SERPINA12: variants seen among roughly 807,000 people sequenced by gnomAD.
SERPINA12 encodes serpin A12.
SERPINA12 carries 21 observed loss-of-function variants against 25.9 expected under a neutral mutation model. The observed-to-expected ratio is 0.81, with a 90% CI of 0.58 to 1.17. The LOEUF (loss-of-function observed/expected upper bound fraction) is 1.17. Ranked by LOEUF, SERPINA12 falls within the 50% of genes most tolerant of loss-of-function variation. The pLI is 0.00. For synonymous variants in SERPINA12, 220 were observed against 196.0 expected, an observed-to-expected ratio of 1.12 and a Z score of -1.02; for missense variants, 562 against 508.3, an observed-to-expected ratio of 1.11 and a Z score of -1.02.
chr14:94,492,766 CACCCAGGCTGGGAGTGG>C (rs1900232155), intron 3 of SERPINA12, among the ~76,000 whole-genome samples: 1 of 152,194 alleles, frequency 6.6e-6, no homozygotes, highest in Non-Finnish European at 1.5e-5. Context: ...GTGTGGGGGG[CACCCAGGCTGGGAGTGG>C]ACCCTCGACA....
intron 3 of SERPINA12, among the ~76,000 whole-genome samples, chr14:94,493,096 T>C (rs17090957): frequency 0.02 from 2,970 of 152,302 alleles, 103 homozygotes; most frequent in African/African-American, 0.067. Flanking sequence ...TGGAGAGGAC[T>C]GCAGAAAGAA....
intron 1 of SERPINA12, among the ~76,000 whole-genome samples, chr14:94,505,732 C>T (rs1481823642): frequency 6.6e-6 from 1 of 152,208 alleles, no homozygotes; most frequent in Non-Finnish European, 1.5e-5. Context: ...CCCAGACACT[C>T]TCTGCTCCAG....
chr14:94,491,140 C>T (rs1423848061), intron 3 of SERPINA12, among the ~76,000 whole-genome samples: 1 of 152,182 alleles, frequency 6.6e-6, no homozygotes, highest in African/African-American at 2.4e-5. Context: ...GCTGGAGATG[C>T]ATCTATGAAC....
chr14:94,491,411 C>T (rs1001454660), intron 3 of SERPINA12, among the ~76,000 whole-genome samples: 1 of 151,634 alleles, frequency 6.6e-6, no homozygotes, highest in Non-Finnish European at 1.5e-5. Context: ...GAGTCACTGT[C>T]GGGTTTTGAA....
At chr14:94,493,872 A>G (rs993675112) in intron 3 of SERPINA12, among the ~76,000 whole-genome samples, 1 of 152,218 alleles carries the variant, frequency 6.6e-6, no homozygotes, top group Non-Finnish European at 1.5e-5. Flanking sequence ...AGATGGTGGC[A>G]GTGCCCAGGG....
intron 1 of SERPINA12, among the ~76,000 whole-genome samples, chr14:94,501,521 T>A (rs1164342501): frequency 1.3e-5 from 2 of 152,180 alleles, no homozygotes; most frequent in Non-Finnish European, 2.9e-5. Context: ...CCCCAACTTG[T>A]GTGTTTGTTA....
Position 94,489,848 on chromosome 14 carries a change from A to G in SERPINA12, c.906-81T>C. On this transcript the variant is annotated intron_variant, in intron 3 of 4. Transcript: ENST00000677451. ...AGCCTCAGGATACATGACCAATGAA[A>G]CATGTGTCCTCCCAGCCCCAAAGGT... 4 of 1,395,518 alleles carry G rather than the reference A, an allele frequency of 2.9e-6. No individual in the cohort carries two copies. In the South Asian group the frequency reaches 5.2e-5, roughly 18 times the overall value. The allele number at this position is 1,395,518 out of a possible 1,614,324, so 86.4% of individuals were successfully genotyped here.
chr14:94,496,693 T>A, intron 2 of SERPINA12, 50 bp from the exon 3 acceptor site: 1 of 1,536,228 alleles, frequency 6.5e-7, no homozygotes, highest in Non-Finnish European at 9.0e-7. Flanking sequence ...GGAAAAAAGG[T>A]GACTAAATCC....
At chr14:94,517,549 C>T (rs1901266947) in exon 1 of SERPINA12, 1 of 152,218 alleles carries the variant, frequency 6.6e-6, no homozygotes, top group African/African-American at 2.4e-5. Context: ...GGGATGCCTG[C>T]ATCCCATATT....
chr14:94,500,515 G>C (rs1470057677), intron 1 of SERPINA12, among the ~76,000 whole-genome samples: 1 of 152,184 alleles, frequency 6.6e-6, no homozygotes, highest in Non-Finnish European at 1.5e-5. Context: ...ATCAGTGCAG[G>C]CGGGAATTTC....
chr14:94,490,180 A>G (rs983550037), intron 3 of SERPINA12, among the ~76,000 whole-genome samples: 1 of 152,156 alleles, frequency 6.6e-6, no homozygotes, highest in African/African-American at 2.4e-5. Flanking sequence ...CTGAGTTCAA[A>G]TCCACTCTGC....
intron 1 of SERPINA12, among the ~76,000 whole-genome samples, chr14:94,516,512 G>A (rs1281828071): frequency 1.3e-5 from 2 of 152,168 alleles, no homozygotes; most frequent in African/African-American, 2.4e-5. Flanking sequence ...CAAACACCAG[G>A]TGCACCAGCA....
At chr14:94,510,170 G>A, upstream of SERPINA12, 2 of 985,406 alleles carry the variant, frequency 2.0e-6, no homozygotes, top group Non-Finnish European at 2.4e-6. Flanking sequence ...TGTACAATGG[G>A]CAATAGGAGA....
Position 94,487,513 on chromosome 14 carries a change from A to C in SERPINA12, c.1054-19T>G, listed in dbSNP as rs1294856590. 2.5e-6 allele frequency: 4 copies of C among 1,590,760 alleles called. No individual in the cohort carries two copies. The highest frequency in any genetic ancestry group is 3.4e-6 in the Non-Finnish European group (4 of 1,168,820). Reference sequence around the variant, plus strand: ...GCACAGCCTACGGAAGCCAAGGGCAAAGTCAAGGTCTGCCAAGCTCCTTGG... The same window carrying C: ...GCACAGCCTACGGAAGCCAAGGGCACAGTCAAGGTCTGCCAAGCTCCTTGG... On this transcript the variant is annotated intron_variant, in intron 4 of 4. Transcript: ENST00000677451.
intron 3 of SERPINA12, among the ~76,000 whole-genome samples, chr14:94,495,181 G>A (rs372622306): frequency 2.8e-5 from 4 of 142,970 alleles, no homozygotes; most frequent in Non-Finnish European, 4.5e-5. Flanking sequence ...CCATTCTCCT[G>A]CCTCAGCCTC....
intron 3 of SERPINA12, among the ~76,000 whole-genome samples, chr14:94,493,198 G>A (rs567885328): frequency 2.2e-4 from 34 of 152,282 alleles, no homozygotes; most frequent in African/African-American, 8.2e-4. Context: ...AAAGCAACTT[G>A]ACCACTTATC....
At chr14:94,501,673 C>CCCCCCCCCCCT (rs1566812531) in intron 1 of SERPINA12, among the ~76,000 whole-genome samples, 1 of 129,902 alleles carries the variant, frequency 7.7e-6, no homozygotes, top group Non-Finnish European at 1.6e-5. Flanking sequence ...CCCGCCCCCC[C>CCCCCCCCCCCT]ACCCCCGCCC....
intron 1 of SERPINA12, among the ~76,000 whole-genome samples, chr14:94,499,810 G>T (rs1900634827): frequency 6.6e-6 from 1 of 152,214 alleles, no homozygotes; most frequent in Non-Finnish European, 1.5e-5. Context: ...TCCACAGTGG[G>T]AGGGCTCTCC....
chr14:94,500,588 A>G (rs1162444469), intron 1 of SERPINA12, among the ~76,000 whole-genome samples: 7 of 152,148 alleles, frequency 4.6e-5, no homozygotes, highest in Non-Finnish European at 8.8e-5. Flanking sequence ...GAGGATTTCA[A>G]GACTGTTTGT....
Sources: allele counts gnomAD v4.1 joint callset (sites outside exome capture counted in the v4.1 genomes callset), GRCh38; gene constraint gnomAD v4.1.1; transcripts MANE v1.5; gene names NCBI Gene and HGNC (gene_info 2026-07-23, HGNC 2026-07-21).